The following PLCB1 variants were observed in gnomAD, a reference collection of about 807,000 sequenced individuals.
PLCB1 encodes the protein 1-phosphatidylinositol 4,5-bisphosphate phosphodiesterase beta-1.
In PLCB1, 46 loss-of-function variants were observed where a neutral mutation model predicts 161.8. That is an observed-to-expected ratio of 0.28 (90% CI 0.22 to 0.36). PLCB1 has a LOEUF of 0.36. Among genes scored for constraint, PLCB1 ranks in the 10% least tolerant of loss-of-function variants. The pLI is 1.00. For missense variants in PLCB1, 1,016 were observed against 1,472.5 expected (o/e 0.69, Z 5.07); for synonymous variants, 517 against 503.7 (o/e 1.03, Z -0.35).
At chr20:8,252,373 A>G (rs891344817) in intron 2 of PLCB1, among the ~76,000 whole-genome samples, 3 of 151,928 alleles carry the variant, frequency 2.0e-5, no homozygotes, top group African/African-American at 4.8e-5. Flanking sequence ...AAGGTCAGTG[A>G]ATCCTGTTTT....
chr20:8,719,793 G>GCCTGT (rs1979526840), intron 14 of PLCB1, among the ~76,000 whole-genome samples: 1 of 151,890 alleles, frequency 6.6e-6, no homozygotes, highest in Non-Finnish European at 1.5e-5. Context: ...TTTTCTGTAC[G>GCCTGT]CCTGTTATAC....
At chr20:8,437,451 A>C (rs961162191) in intron 3 of PLCB1, among the ~76,000 whole-genome samples, 2 of 152,242 alleles carry the variant, frequency 1.3e-5, no homozygotes, top group Admixed American at 6.5e-5. Flanking sequence ...GGATGCATGA[A>C]ATGCTATTTC....
intron 1 of PLCB1, among the ~76,000 whole-genome samples, chr20:8,143,970 A>G (rs939673580): frequency 2.0e-5 from 3 of 152,222 alleles, no homozygotes; most frequent in Non-Finnish European, 4.4e-5. Flanking sequence ...ACTGGGTGTC[A>G]GTTGCAAAGC....
intron 3 of PLCB1, among the ~76,000 whole-genome samples, chr20:8,482,898 AT>A (rs11481141): frequency 1.8e-4 from 26 of 147,946 alleles, no homozygotes; most frequent in East Asian, 4.0e-4. Context: ...GCAGTCCTTC[AT>A]TTTTTTTTTT....
chr20:8,754,630 A>G (rs1320146784), intron 23 of PLCB1, among the ~76,000 whole-genome samples: 2 of 152,186 alleles, frequency 1.3e-5, no homozygotes, highest in Non-Finnish European at 2.9e-5. Flanking sequence ...CCTGCTTTCT[A>G]AAGCAGCTGA....
chr20:8,808,989 T>C (rs1984678015), intron 31 of PLCB1, among the ~76,000 whole-genome samples: 1 of 152,190 alleles, frequency 6.6e-6, no homozygotes, highest in East Asian at 1.9e-4. Context: ...CCTAGAGCTT[T>C]GTTGAAGCAC....
intron 3 of PLCB1, among the ~76,000 whole-genome samples, chr20:8,493,680 G>A (rs1034626129): frequency 6.8e-6 from 1 of 146,146 alleles, no homozygotes; most frequent in Non-Finnish European, 1.5e-5. Flanking sequence ...CTTGGTGTAT[G>A]AGAGTCTGCA....
chr20:8,717,888 G>C (rs1437094759), intron 14 of PLCB1, 40 bp downstream of exon 14: 7 of 1,572,920 alleles, frequency 4.5e-6, no homozygotes, highest in African/African-American at 1.4e-5. Context: ...GTTTTGTGTT[G>C]GTTTAAGAAT....
intron 2 of PLCB1, among the ~76,000 whole-genome samples, chr20:8,223,619 G>C (rs1202747819): frequency 1.3e-5 from 2 of 152,062 alleles, no homozygotes; most frequent in Non-Finnish European, 2.9e-5. Flanking sequence ...AAAAATCTTG[G>C]TTAAATTCCA....
intron 2 of PLCB1, among the ~76,000 whole-genome samples, chr20:8,163,858 A>G (rs2051650099): frequency 1.3e-5 from 2 of 152,156 alleles, no homozygotes; most frequent in Non-Finnish European, 1.5e-5. Flanking sequence ...CTCTATGGTA[A>G]CATCCTATAC....
intron 3 of PLCB1, among the ~76,000 whole-genome samples, chr20:8,487,949 C>A (rs982985923): frequency 1.3e-5 from 2 of 152,174 alleles, no homozygotes; most frequent in Non-Finnish European, 2.9e-5. Flanking sequence ...TGTAAACGTG[C>A]AGCTCCCTTG....
chr20:8,582,854 T>C (rs1986875956), intron 3 of PLCB1, among the ~76,000 whole-genome samples: 1 of 151,976 alleles, frequency 6.6e-6, no homozygotes, highest in South Asian at 2.1e-4. Flanking sequence ...CCGGACATAG[T>C]GGCACATGCT....
chr20:8,306,590 G>A (rs1313202644), intron 2 of PLCB1, among the ~76,000 whole-genome samples: 1 of 152,196 alleles, frequency 6.6e-6, no homozygotes, highest in Non-Finnish European at 1.5e-5. Context: ...GGAATCAAGC[G>A]AAGTAATGTC....
intron 2 of PLCB1, among the ~76,000 whole-genome samples, chr20:8,228,868 T>A (rs1979850048): frequency 6.6e-6 from 1 of 152,104 alleles, no homozygotes; most frequent in South Asian, 2.1e-4. Flanking sequence ...ATCTATCACC[T>A]CAGAAGCTCA....
rs1988037221 is a variant in PLCB1, at chr20:8,882,651, A to G, written c.*802A>G. Reference sequence around the variant, plus strand: ...CATTGGTTATTGGCCTGAAATGATCAAATAACTACAAATGATCTGTTGAAT... The same window carrying G: ...CATTGGTTATTGGCCTGAAATGATCGAATAACTACAAATGATCTGTTGAAT... On this transcript the variant is annotated 3_prime_UTR_variant, in exon 32 of 32. Coordinates refer to ENST00000338037, the MANE Select transcript of PLCB1 (RefSeq NM_015192.4). The G allele has an allele frequency of 6.6e-6, 1 of 152,528 alleles. No individual in the cohort carries two copies. Among genetic ancestry groups the G allele is most frequent in the Non-Finnish European group, 1.5e-5 (1 of 68,032 alleles). 9.4% of individuals were successfully genotyped at this position (152,528 alleles called of 1,614,324 possible).
chr20:8,565,541 G>T (rs991462197), intron 3 of PLCB1, among the ~76,000 whole-genome samples: 4 of 150,622 alleles, frequency 2.7e-5, no homozygotes, highest in Admixed American at 2.7e-4. Flanking sequence ...ATATAATAAA[G>T]AACTTAAAGT....
intron 2 of PLCB1, among the ~76,000 whole-genome samples, chr20:8,298,511 C>CA (rs11481812): frequency 0.016 from 2,377 of 151,264 alleles, 137 homozygotes; most frequent in East Asian, 0.11. Context: ...TTTAAACTGA[C>CA]ATGCTTTAAA....
chr20:8,708,871 A>G (rs1277593581), intron 12 of PLCB1, 119 bp downstream of exon 12: 2 of 618,754 alleles, frequency 3.2e-6, no homozygotes, highest in Non-Finnish European at 5.7e-6. Context: ...CATGTTGTAT[A>G]TTAACTGGCA....
intron 3 of PLCB1, among the ~76,000 whole-genome samples, chr20:8,381,048 T>G (rs982265331): frequency 2.0e-5 from 3 of 152,230 alleles, no homozygotes; most frequent in Non-Finnish European, 4.4e-5. Context: ...CTTCCAGTTT[T>G]TTCCCATTCA....
Sources: gnomAD v4.1 joint callset for allele counts (sites outside exome capture counted in the v4.1 genomes callset) on GRCh38, gnomAD v4.1.1 for gene constraint, MANE v1.5 for transcripts, NCBI Gene and HGNC (gene_info 2026-07-23, HGNC 2026-07-21) for gene names.